The following AFF3 variants were observed in gnomAD, a reference collection of about 807,000 sequenced individuals.
The protein encoded by AFF3 is AF4/FMR2 family member 3.
A neutral mutation model predicts 129.7 loss-of-function variants in AFF3; 32 were observed. That is an observed-to-expected ratio of 0.25 (90% CI 0.19 to 0.33). The LOEUF is 0.33. AFF3 is among the 10% of genes least tolerant of loss of function. The pLI is 1.00. For synonymous variants in AFF3, 644 were observed against 635.4 expected (o/e 1.01, Z -0.20); for missense variants, 1,373 against 1,592.0 (o/e 0.86, Z 2.34).
chr2:99,664,980 C>T (rs1467360376), intron 12 of AFF3, among the ~76,000 whole-genome samples: 1 of 152,204 alleles, frequency 6.6e-6, no homozygotes, highest in Admixed American at 6.5e-5. Context: ...GAAAGTTATG[C>T]TGTGCCTCCA....
intron 7 of AFF3, among the ~76,000 whole-genome samples, chr2:99,919,268 C>T (rs1274172798): frequency 1.3e-5 from 2 of 152,120 alleles, no homozygotes; most frequent in African/African-American, 4.8e-5. Flanking sequence ...CACATCAATG[C>T]CCACGGTTGA....
At chr2:99,965,504 A>G (rs1677658247) in intron 7 of AFF3, among the ~76,000 whole-genome samples, 1 of 152,206 alleles carries the variant, frequency 6.6e-6, no homozygotes, top group African/African-American at 2.4e-5. Context: ...GCATCGGAAA[A>G]CTGAGAACAA....
intron 10 of AFF3, among the ~76,000 whole-genome samples, chr2:99,734,568 T>G (rs1230024609): frequency 6.6e-6 from 1 of 152,080 alleles, no homozygotes; most frequent in Non-Finnish European, 1.5e-5. Flanking sequence ...TTTGCTATTT[T>G]TCCTTTAAAT....
chr2:99,551,411 GT>G lies in AFF3; in HGVS notation c.*62del. The stretch of plus-strand genomic sequence containing the variant: ...TGTGGCTGGGAGTTTCAGTAGCACA[GT>G]GTCCAAAAACGTTGAGCCATCTGTG... On this transcript the variant is annotated 3_prime_UTR_variant, in exon 25 of 25. Transcript: ENST00000672756. The G allele has an allele frequency of 6.2e-7, 1 of 1,600,240 alleles. No individual in the cohort carries two copies. Among genetic ancestry groups the G allele is most frequent in the South Asian group, 1.1e-5 (1 of 90,452 alleles).
chr2:100,087,464 T>C (rs1689539734), intron 4 of AFF3, among the ~76,000 whole-genome samples: 1 of 152,014 alleles, frequency 6.6e-6, no homozygotes, highest in African/African-American at 2.4e-5. Context: ...TATGTGAGAA[T>C]TTCTTAAGCA....
intron 7 of AFF3, among the ~76,000 whole-genome samples, chr2:99,879,581 G>A (rs1692546336): frequency 6.6e-6 from 1 of 152,188 alleles, no homozygotes; most frequent in African/African-American, 2.4e-5. Flanking sequence ...ATGATTTGGA[G>A]CTTTTGGATA....
intron 7 of AFF3, among the ~76,000 whole-genome samples, chr2:99,858,220 G>A (rs1186715808): frequency 6.6e-6 from 1 of 152,100 alleles, no homozygotes; most frequent in East Asian, 1.9e-4. Flanking sequence ...GCCTGGGCTG[G>A]CAGGCCCACA....
chr2:100,011,722 G>A, intron 4 of AFF3: 1 of 641,684 alleles, frequency 1.6e-6, no homozygotes, highest in Non-Finnish European at 2.8e-6. Flanking sequence ...GAGGCAAGCT[G>A]AACAAAGGAA....
chr2:99,824,926 G>C (rs1576106697), intron 8 of AFF3, among the ~76,000 whole-genome samples: 1 of 152,304 alleles, frequency 6.6e-6, no homozygotes, highest in East Asian at 1.9e-4. Flanking sequence ...AACAACCCCA[G>C]CGGTGGGTTA....
At chr2:99,701,194 G>T (rs971168347) in intron 11 of AFF3, among the ~76,000 whole-genome samples, 2 of 152,126 alleles carry the variant, frequency 1.3e-5, no homozygotes, top group Non-Finnish European at 2.9e-5. Flanking sequence ...GGATAGACTG[G>T]TAACACTCAC....
At position 99,834,635 on chromosome 2, in the gene AFF3, C is replaced by T. The variant is rs545736116; in HGVS notation, c.921+2842G>A. On this transcript the variant is annotated intron_variant, in intron 8 of 24. Transcript: ENST00000672756. Reference sequence around the variant, plus strand: ...ACCAGCAACGTTTCTGTGGTCTAATCCATTGTGTGGTTTTAGATCCTCATC... The same window carrying T: ...ACCAGCAACGTTTCTGTGGTCTAATTCATTGTGTGGTTTTAGATCCTCATC... 2.6e-5 allele frequency among the ~76,000 whole-genome samples: 4 copies of T among 152,320 alleles called. No individual in the cohort carries two copies. In the East Asian group the frequency reaches 7.7e-4, roughly 29 times the overall value.
At chr2:99,803,737 C>T (rs755190635) in intron 8 of AFF3, among the ~76,000 whole-genome samples, 1 of 151,956 alleles carries the variant, frequency 6.6e-6, no homozygotes, top group Non-Finnish European at 1.5e-5. Flanking sequence ...TGTAGATACA[C>T]GGACCAATGG....
At chr2:100,056,059 T>TCACACACACACACACACACA (rs747714847) in intron 4 of AFF3, among the ~76,000 whole-genome samples, 3 of 114,674 alleles carry the variant, frequency 2.6e-5, no homozygotes, top group Admixed American at 8.5e-5. Context: ...TCGCTGTCTC[T>TCACACACACACACACACACA]CTCTCACACA....
intron 11 of AFF3, among the ~76,000 whole-genome samples, chr2:99,714,657 T>C (rs1000739168): frequency 6.6e-6 from 1 of 152,200 alleles, no homozygotes; most frequent in African/African-American, 2.4e-5. Flanking sequence ...AGAAAATCTT[T>C]TGGTAACAAT....
At chr2:100,052,988 G>A (rs371375444) in intron 4 of AFF3, among the ~76,000 whole-genome samples, 17 of 152,306 alleles carry the variant, frequency 1.1e-4, no homozygotes, top group African/African-American at 4.1e-4. Flanking sequence ...TAAAAGGTGT[G>A]GGGAAATGTG....
At chr2:100,125,946 C>T (rs1196635126) in intron 2 of AFF3, among the ~76,000 whole-genome samples, 1 of 152,192 alleles carries the variant, frequency 6.6e-6, no homozygotes, top group African/African-American at 2.4e-5. Flanking sequence ...GCTCTGTGCA[C>T]ACACTTGGGA....
At chr2:99,810,273 G>A (rs1210295780) in intron 8 of AFF3, among the ~76,000 whole-genome samples, 1 of 152,220 alleles carries the variant, frequency 6.6e-6, no homozygotes, top group Non-Finnish European at 1.5e-5. Context: ...CTTGATGTCA[G>A]CTCAGCATCC....
At chr2:99,862,568 C>T (rs1005092771) in intron 7 of AFF3, among the ~76,000 whole-genome samples, 4 of 152,260 alleles carry the variant, frequency 2.6e-5, no homozygotes, top group Admixed American at 6.5e-5. Flanking sequence ...CAGTGCCCCA[C>T]GGTGTGGTCC....
intron 7 of AFF3, among the ~76,000 whole-genome samples, chr2:99,916,121 T>C (rs1054505076): frequency 6.6e-6 from 1 of 152,134 alleles, no homozygotes; most frequent in African/African-American, 2.4e-5. Context: ...AAAAACCCCA[T>C]AACAAATCAA....
Sources: allele counts gnomAD v4.1 joint callset (sites outside exome capture counted in the v4.1 genomes callset), GRCh38; gene constraint gnomAD v4.1.1; transcripts MANE v1.5; gene names NCBI Gene and HGNC (gene_info 2026-07-23, HGNC 2026-07-21).